LHPP: variants seen among roughly 807,000 people sequenced by gnomAD.
LHPP encodes phospholysine phosphohistidine inorganic pyrophosphate phosphatase.
Under a neutral mutation model 30.3 loss-of-function variants are expected in LHPP, and 24 were observed. That is an observed-to-expected ratio of 0.79 (90% CI 0.57 to 1.11). The LOEUF is 1.11. Among genes scored for constraint, LHPP ranks in the 50% most tolerant of loss-of-function variants. The pLI is 0.00. For synonymous variants in LHPP, 150 were observed against 157.1 expected (o/e 0.95, Z 0.34); for missense variants, 356 against 367.2 (o/e 0.97, Z 0.25).
chr10:124,524,032 C>T (rs531733310), intron 6 of LHPP, among the ~76,000 whole-genome samples: 2 of 152,178 alleles, frequency 1.3e-5, no homozygotes, highest in South Asian at 4.1e-4. Flanking sequence ...TAAGCCTGTA[C>T]ACTTTTTTCT....
intron 6 of LHPP, among the ~76,000 whole-genome samples, chr10:124,587,784 A>C (rs528565325): frequency 6.8e-6 from 1 of 146,066 alleles, no homozygotes; most frequent in Non-Finnish European, 1.5e-5. Context: ...ACCCACCCTG[A>C]GTTTAAAAGA....
intron 6 of LHPP, among the ~76,000 whole-genome samples, chr10:124,580,363 T>C (rs376367177): frequency 2.0e-5 from 3 of 152,242 alleles, no homozygotes; most frequent in East Asian, 3.8e-4. Context: ...AGAAGGATAT[T>C]CTACATTCTC....
intron 6 of LHPP, among the ~76,000 whole-genome samples, chr10:124,545,424 G>A (rs1283798767): frequency 6.6e-5 from 10 of 152,220 alleles, no homozygotes; most frequent in Admixed American, 5.2e-4. Flanking sequence ...GGGTGCTGGC[G>A]GCCCCTGCAG....
At chr10:124,600,460 G>A (rs1045116494) in intron 6 of LHPP, among the ~76,000 whole-genome samples, 1 of 152,240 alleles carries the variant, frequency 6.6e-6, no homozygotes, top group African/African-American at 2.4e-5. Context: ...GGGTGGGGTG[G>A]CCAGCATGCC....
rs143819682 is a variant in LHPP at position 124,599,633 on chromosome 10, G to A, written c.717-13631G>A. Among the ~76,000 whole-genome samples, 70 of 152,362 alleles carry A rather than the reference G, an allele frequency of 4.6e-4. No homozygotes were observed. The East Asian group carries it at 0.012, about 27-fold the overall frequency. ...CCCACGTGTCACTGGAATTCGGGAG[G>A]CCTGGCTCTCAAAGCTTTCTGTACA... On this transcript the variant is annotated intron_variant, in intron 6 of 6. Coordinates refer to ENST00000368842, the MANE Select transcript of LHPP (RefSeq NM_022126.4).
At chr10:124,564,280 C>T (rs1391628456) in intron 6 of LHPP, among the ~76,000 whole-genome samples, 2 of 152,090 alleles carry the variant, frequency 1.3e-5, no homozygotes, top group East Asian at 3.9e-4. Context: ...CGCAGCACCA[C>T]ACCCAGCTAA....
At chr10:124,502,831 C>A (rs1210227151) in intron 5 of LHPP, among the ~76,000 whole-genome samples, 3 of 151,170 alleles carry the variant, frequency 2.0e-5, no homozygotes, top group Admixed American at 2.0e-4. Flanking sequence ...CACCTGCCAC[C>A]AAGCCCGGCT....
intron 6 of LHPP, among the ~76,000 whole-genome samples, chr10:124,564,062 T>G (rs1423248825): frequency 6.6e-6 from 1 of 151,858 alleles, no homozygotes; most frequent in African/African-American, 2.4e-5. Flanking sequence ...TCCTCCCACC[T>G]CAGCCTCCTG....
At chr10:124,520,268 T>C (rs1352328239) in intron 6 of LHPP, among the ~76,000 whole-genome samples, 1 of 151,678 alleles carries the variant, frequency 6.6e-6, no homozygotes, top group Non-Finnish European at 1.5e-5. Context: ...ATTAGTTATT[T>C]TTCCTGATCC....
chr10:124,484,068 C>T, intron 1 of LHPP, 71 bp from the exon 2 acceptor site: 2 of 1,463,852 alleles, frequency 1.4e-6, no homozygotes, highest in South Asian at 1.2e-5. Context: ...TCGAGAATCA[C>T]CGCGCAACCT....
intron 1 of LHPP, among the ~76,000 whole-genome samples, chr10:124,471,805 A>G (rs1952788293): frequency 7.1e-6 from 1 of 141,780 alleles, no homozygotes; most frequent in African/African-American, 2.6e-5. Context: ...TGAATAGTAT[A>G]TTATTTTTAA....
intron 3 of LHPP, chr10:124,489,723 A>AT (rs753217415): frequency 5.1e-4 from 82 of 161,126 alleles, no homozygotes; most frequent in Non-Finnish European, 8.4e-4. Flanking sequence ...AAGTGCTGGG[A>AT]TTACAGGCAT....
intron 4 of LHPP, 126 bp from the exon 5 acceptor site, chr10:124,497,910 C>G: frequency 1.3e-6 from 1 of 750,136 alleles, no homozygotes; most frequent in Non-Finnish European, 2.3e-6. Flanking sequence ...GTTCTCAGGC[C>G]CACAGCATCC....
intron 6 of LHPP, among the ~76,000 whole-genome samples, chr10:124,547,108 C>T (rs11245281): frequency 0.18 from 27,284 of 151,900 alleles, 2,547 homozygotes; most frequent in Middle Eastern, 0.26. Flanking sequence ...CTCTTTGCAC[C>T]TTGCTCATTT....
Position 124,489,732 on chromosome 10 carries a change from A to G in LHPP, c.467+1157A>G, listed in dbSNP as rs187844555. 7.2e-3 allele frequency: 1,171 copies of G among 163,642 alleles called. 8 individuals carry two copies. The highest frequency in any genetic ancestry group is 0.021 in the African/African-American group (858 of 41,262). 10.1% of individuals were successfully genotyped at this position (163,642 alleles called of 1,614,324 possible). A position where few individuals can be genotyped will look rare whatever the true frequency, so the allele number is the denominator to read the frequency against. ...CTCCCAAAGTGCTGGGATTACAGGCATGAGCCACCGCCCCCAACCTCTTGT... is the reference window on the plus strand; with the variant it reads ...CTCCCAAAGTGCTGGGATTACAGGCGTGAGCCACCGCCCCCAACCTCTTGT... On this transcript the variant is annotated intron_variant, in intron 3 of 6. Coordinates refer to ENST00000368842, the MANE Select transcript of LHPP (RefSeq NM_022126.4).
At chr10:124,534,620 G>T (rs1954978649) in intron 6 of LHPP, among the ~76,000 whole-genome samples, 1 of 152,232 alleles carries the variant, frequency 6.6e-6, no homozygotes, top group South Asian at 2.1e-4. Context: ...GAGGGGCCTT[G>T]CAGGAAGCTC....
intron 5 of LHPP, among the ~76,000 whole-genome samples, chr10:124,514,052 T>C (rs2133906086): frequency 6.6e-6 from 1 of 152,328 alleles, no homozygotes; most frequent in South Asian, 2.1e-4. Context: ...CAACCCAGAT[T>C]CCTTGTCCTG....
At chr10:124,603,412 C>T (rs1949052869) in intron 6 of LHPP, among the ~76,000 whole-genome samples, 1 of 152,168 alleles carries the variant, frequency 6.6e-6, no homozygotes, top group Admixed American at 6.5e-5. Flanking sequence ...CTGCTCTCAG[C>T]TGGGCCAGTG....
At chr10:124,505,656 A>T (rs532060422) in intron 5 of LHPP, among the ~76,000 whole-genome samples, 1 of 152,352 alleles carries the variant, frequency 6.6e-6, no homozygotes, top group South Asian at 2.1e-4. Flanking sequence ...GGTTACTTCT[A>T]GAAATATCTA....
Sources: allele counts gnomAD v4.1 joint callset (sites outside exome capture counted in the v4.1 genomes callset), GRCh38; gene constraint gnomAD v4.1.1; transcripts MANE v1.5; gene names NCBI Gene and HGNC (gene_info 2026-07-23, HGNC 2026-07-21).